Variants in CDH18 observed in about 807,000 individuals in gnomAD.
CDH18 encodes the protein cadherin 18.
A neutral mutation model predicts 67.9 loss-of-function variants in CDH18; 31 were observed. The ratio of observed to expected loss-of-function variants is 0.46; its 90% CI spans 0.34 to 0.62. The LOEUF is 0.62. CDH18 is among the 20% of genes least tolerant of loss of function. CDH18 has a pLI of 0.01. For missense variants in CDH18, 890 were observed against 975.5 expected (o/e 0.91, Z 1.17); for synonymous variants, 362 against 347.2 (o/e 1.04, Z -0.48).
chr5:20,156,393 T>C (rs189809612), intron 2 of CDH18, among the ~76,000 whole-genome samples: 1 of 152,236 alleles, frequency 6.6e-6, no homozygotes, highest in East Asian at 1.9e-4. Context: ...TGGAATGCTA[T>C]GCAGTCAAAA....
At chr5:20,424,736 G>A (rs1553996469) in intron 1 of CDH18, among the ~76,000 whole-genome samples, 5 of 88,020 alleles carry the variant, frequency 5.7e-5, no homozygotes, top group Non-Finnish European at 9.9e-5. Context: ...AATAGAGCAA[G>A]ACTCTGTCTA....
At chr5:19,755,427 G>GTATACATA (rs1373982305) in intron 3 of CDH18, among the ~76,000 whole-genome samples, 46 of 44,672 alleles carry the variant, frequency 1.0e-3, no homozygotes, top group African/African-American at 2.7e-3. Flanking sequence ...AACTAACAGG[G>GTATACATA]TATGTATATA....
chr5:20,407,711 A>G (rs1225090905), intron 1 of CDH18, among the ~76,000 whole-genome samples: 3 of 110,086 alleles, frequency 2.7e-5, no homozygotes, highest in Non-Finnish European at 6.4e-5. Flanking sequence ...GTCAGAAAAG[A>G]AAAAAAAATA....
At chr5:20,412,672 G>C (rs1746891514) in intron 1 of CDH18, among the ~76,000 whole-genome samples, 1 of 151,944 alleles carries the variant, frequency 6.6e-6, no homozygotes, top group Non-Finnish European at 1.5e-5. Context: ...TTAAAAACTG[G>C]GCAAAGGACA....
chr5:19,643,832 A>G (rs548524590), intron 5 of CDH18, among the ~76,000 whole-genome samples: 6 of 152,324 alleles, frequency 3.9e-5, no homozygotes, highest in African/African-American at 1.4e-4. Flanking sequence ...CTTCAGTGTT[A>G]TCAACACACA....
chr5:20,198,213 C>A (rs537392708), intron 2 of CDH18, among the ~76,000 whole-genome samples: 1 of 152,266 alleles, frequency 6.6e-6, no homozygotes, highest in African/African-American at 2.4e-5. Context: ...GACTTTGGAA[C>A]TCGGTAACAG....
chr5:19,611,663 G>A (rs1371637781), intron 6 of CDH18, among the ~76,000 whole-genome samples: 2 of 152,028 alleles, frequency 1.3e-5, no homozygotes, highest in Non-Finnish European at 2.9e-5. Context: ...ATTTGTAAGA[G>A]GAACATAAGA....
At chr5:19,679,928 T>C (rs1042004598) in intron 5 of CDH18, among the ~76,000 whole-genome samples, 5 of 151,964 alleles carry the variant, frequency 3.3e-5, no homozygotes, top group Non-Finnish European at 5.9e-5. Context: ...TTTCACAGCA[T>C]TAGAGAAAAC....
At chr5:19,899,425 C>T (rs1789695704) in intron 2 of CDH18, among the ~76,000 whole-genome samples, 1 of 151,606 alleles carries the variant, frequency 6.6e-6, no homozygotes, top group African/African-American at 2.4e-5. Flanking sequence ...GATGTTGTCT[C>T]ACATCTATTA....
chr5:20,075,919 T>G (rs1271787895), intron 2 of CDH18, among the ~76,000 whole-genome samples: 1 of 152,140 alleles, frequency 6.6e-6, no homozygotes, highest in African/African-American at 2.4e-5. Flanking sequence ...TCTTCTATTC[T>G]TTATGTGGAA....
chr5:20,317,890 A>G (rs1236700624), intron 1 of CDH18, among the ~76,000 whole-genome samples: 1 of 152,182 alleles, frequency 6.6e-6, no homozygotes, highest in Non-Finnish European at 1.5e-5. Flanking sequence ...AGCCCCATGC[A>G]ATGTTCTACT....
At chr5:19,484,119 T>C (rs947545406) in intron 11 of CDH18, among the ~76,000 whole-genome samples, 2 of 152,190 alleles carry the variant, frequency 1.3e-5, no homozygotes, top group South Asian at 2.1e-4. Context: ...AAGTTAATGA[T>C]GAATAAAATA....
chr5:20,533,172 A>C (rs1347179826), intron 1 of CDH18, among the ~76,000 whole-genome samples: 1 of 152,070 alleles, frequency 6.6e-6, no homozygotes, highest in Non-Finnish European at 1.5e-5. Flanking sequence ...CAAGTCAAGG[A>C]ATGTCTAAGG....
At chr5:19,714,774 C>T (rs375623034) in intron 5 of CDH18, among the ~76,000 whole-genome samples, 52 of 151,854 alleles carry the variant, frequency 3.4e-4, no homozygotes, top group Non-Finnish European at 6.0e-4. Flanking sequence ...ATAACATTGA[C>T]GGAAACAATA....
At chr5:20,003,069 A>G (rs924492551) in intron 2 of CDH18, among the ~76,000 whole-genome samples, 1 of 152,112 alleles carries the variant, frequency 6.6e-6, no homozygotes, top group African/African-American at 2.4e-5. Flanking sequence ...TTAGAACATT[A>G]TCAGTGTTGC....
At chr5:19,582,724 T>G (rs1391697575) in intron 7 of CDH18, among the ~76,000 whole-genome samples, 1 of 152,078 alleles carries the variant, frequency 6.6e-6, no homozygotes, top group Non-Finnish European at 1.5e-5. Context: ...TTTGTGATCA[T>G]GTGTTTGCCT....
At chr5:19,961,267 C>T (rs756718032) in intron 2 of CDH18, among the ~76,000 whole-genome samples, 10 of 151,488 alleles carry the variant, frequency 6.6e-5, no homozygotes, top group South Asian at 6.2e-4. Context: ...AACACCAGCA[C>T]GCTAATTTGT....
intron 5 of CDH18, among the ~76,000 whole-genome samples, chr5:19,640,524 C>T (rs557832608): frequency 4.0e-5 from 6 of 151,898 alleles, no homozygotes; most frequent in East Asian, 3.9e-4. Flanking sequence ...CAAAGGAATA[C>T]GGCAAGACAA....
intron 2 of CDH18, among the ~76,000 whole-genome samples, chr5:19,843,664 A>T (rs913044476): frequency 1.3e-5 from 2 of 152,212 alleles, no homozygotes; most frequent in African/African-American, 4.8e-5. Context: ...ATCCACCAAC[A>T]GCTTGCACTG....
Sources: allele counts gnomAD v4.1 joint callset (sites outside exome capture counted in the v4.1 genomes callset), GRCh38; gene constraint gnomAD v4.1.1; transcripts MANE v1.5; gene names NCBI Gene and HGNC (gene_info 2026-07-23, HGNC 2026-07-21).